Variants in SASH1 observed in about 807,000 individuals in gnomAD.
The protein encoded by SASH1 is SAM and SH3 domain-containing protein 1.
In SASH1, 44 loss-of-function variants were observed where a neutral mutation model predicts 125.2. The ratio of observed to expected loss-of-function variants is 0.35; its 90% CI spans 0.28 to 0.45. SASH1 has a LOEUF of 0.45. Ranked by LOEUF, SASH1 falls within the 20% of genes least tolerant of loss-of-function variation. The pLI is 1.00. For missense variants in SASH1, 1,426 were observed against 1,614.5 expected (o/e 0.88, Z 2.00); for synonymous variants, 639 against 649.1 (o/e 0.98, Z 0.24).
In SASH1 at chr6:148,301,745, ATT is replaced by A. The variant is rs34707015; in HGVS notation, n.74+29388_74+29389del. ...AGAAACACACCACCCCATCTTGGTGATTTTTTTTTTTTTTTTTTTTTGCAGTT... is the reference window on the plus strand; with the variant it reads ...AGAAACACACCACCCCATCTTGGTGATTTTTTTTTTTTTTTTTTTGCAGTT... On this transcript the variant is annotated intron_variant and non_coding_transcript_variant, in intron 1 of 3. Transcript: ENST00000367469. Among the ~76,000 whole-genome samples the A allele has an allele frequency of 6.3e-3, 649 of 102,844 alleles. 5 individuals carry two copies. The highest frequency in any genetic ancestry group is 0.027 in the South Asian group (76 of 2,772). 67.5% of individuals were successfully genotyped at this position (102,844 alleles called of 152,430 possible).
chr6:148,363,513 G>T (rs1241870038), intron 1 of SASH1, among the ~76,000 whole-genome samples: 1 of 151,906 alleles, frequency 6.6e-6, no homozygotes, highest in Admixed American at 6.6e-5. Context: ...GCAATTCTCT[G>T]CCTCAGCCTC....
At chr6:148,250,509 G>C in the SASH1 span, among the ~76,000 whole-genome samples, 1 of 150,020 alleles carries the variant, frequency 6.7e-6, no homozygotes, top group Non-Finnish European at 1.5e-5. Context: ...AGAAGTATGT[G>C]ATCCATTTGA....
chr6:148,454,846 C>G (rs1341779293), intron 4 of SASH1, among the ~76,000 whole-genome samples: 2 of 152,202 alleles, frequency 1.3e-5, no homozygotes, highest in African/African-American at 2.4e-5. Flanking sequence ...TGATTCATTA[C>G]TTCGTTGAAT....
intron 2 of SASH1, among the ~76,000 whole-genome samples, chr6:148,429,385 TA>T (rs61460366): frequency 0.024 from 1,767 of 73,884 alleles, 84 homozygotes; most frequent in African/African-American, 0.087. Flanking sequence ...CCCTGTCTCT[TA>T]AAAAAAAAAA....
chr6:148,362,103 A>G lies in SASH1; in HGVS notation c.156+18880A>G, dbSNP rs150975977. Among the ~76,000 whole-genome samples, 197 of 150,860 alleles carry G rather than the reference A, an allele frequency of 1.3e-3. 3 individuals are homozygous for G. Among genetic ancestry groups the G allele is most frequent in the African/African-American group, 3.8e-3 (154 of 41,066 alleles). ...TATTTTTTGTTTGTTTGTTTGTTGT[A>G]TTTTTAGTAGAGACGGGGTTTCTCC... On this transcript the variant is annotated intron_variant, in intron 1 of 19. Coordinates refer to ENST00000367467, the MANE Select transcript of SASH1 (RefSeq NM_015278.5).
At position 148,351,313 on chromosome 6, in the gene SASH1, T is replaced by C. The variant is rs536220129; in HGVS notation, c.156+8090T>C. Among the ~76,000 whole-genome samples the C allele has an allele frequency of 1.2e-3, 179 of 151,762 alleles. No homozygotes were observed. The Middle Eastern group carries it at 0.02, about 17-fold the overall frequency. On this transcript the variant is annotated intron_variant, in intron 1 of 19. Coordinates refer to ENST00000367467, the MANE Select transcript of SASH1 (RefSeq NM_015278.5). ...AAGATGATTGGTGAAAACGGAAATATATTTGTATTTATGTTTGCTCTTCAG... is the reference window on the plus strand; with the variant it reads ...AAGATGATTGGTGAAAACGGAAATACATTTGTATTTATGTTTGCTCTTCAG...
intron 2 of SASH1, among the ~76,000 whole-genome samples, chr6:148,436,789 A>G (rs1296737665): frequency 1.3e-5 from 2 of 152,194 alleles, no homozygotes; most frequent in Non-Finnish European, 2.9e-5. Flanking sequence ...GCCTTTCTGA[A>G]TTCATATTCA....
chr6:148,313,269 C>T (rs1562319589), intron 1 of SASH1, among the ~76,000 whole-genome samples: 1 of 152,162 alleles, frequency 6.6e-6, no homozygotes, highest in Non-Finnish European at 1.5e-5. Flanking sequence ...ATTCTGGTGT[C>T]TTAGTATTCA....
chr6:148,520,805 C>G (rs1229073226), intron 10 of SASH1, among the ~76,000 whole-genome samples: 1 of 152,146 alleles, frequency 6.6e-6, no homozygotes. Context: ...ACAATAGGAG[C>G]AGGCTCATGG....
intron 1 of SASH1, chr6:148,283,418 C>T: frequency 6.6e-6 from 1 of 152,336 alleles, no homozygotes; most frequent in East Asian, 1.9e-4. Context: ...CATGAGTGTG[C>T]CTGTGTGTGT....
At chr6:148,354,955 C>T (rs1200982725) in intron 1 of SASH1, among the ~76,000 whole-genome samples, 1 of 152,102 alleles carries the variant, frequency 6.6e-6, no homozygotes, top group Admixed American at 6.6e-5. Flanking sequence ...GATGGGGTTT[C>T]ACCATGTTGG....
chr6:148,305,641 A>AAAAAAAAAAAAG (rs1554232122), intron 1 of SASH1, among the ~76,000 whole-genome samples: 1 of 133,200 alleles, frequency 7.5e-6, no homozygotes. Context: ...AAAAAAAAAA[A>AAAAAAAAAAAAG]AAAGAAAGAA....
At chr6:148,334,411 G>T (rs1254709376) in intron 1 of SASH1, among the ~76,000 whole-genome samples, 1 of 118,074 alleles carries the variant, frequency 8.5e-6, no homozygotes. Flanking sequence ...CTGGGCCACA[G>T]AGCGAGACTC....
the SASH1 span, among the ~76,000 whole-genome samples, chr6:148,244,537 G>C: frequency 4.6e-5 from 7 of 152,168 alleles, no homozygotes; most frequent in Non-Finnish European, 7.3e-5. Flanking sequence ...CAGTGTTCCT[G>C]GGTGCTAAGG....
the SASH1 span, among the ~76,000 whole-genome samples, chr6:148,222,431 T>C: frequency 6.6e-6 from 1 of 152,100 alleles, no homozygotes; most frequent in African/African-American, 2.4e-5. Flanking sequence ...GGAAAGGAGA[T>C]TGGGGCTGCA....
intron 7 of SASH1, among the ~76,000 whole-genome samples, chr6:148,482,060 T>A (rs1778648385): frequency 6.6e-6 from 1 of 152,190 alleles, no homozygotes; most frequent in Non-Finnish European, 1.5e-5. Flanking sequence ...CCATAAGATG[T>A]AGAAAGCCCA....
the SASH1 span, among the ~76,000 whole-genome samples, chr6:148,235,552 A>G: frequency 1.5e-4 from 22 of 149,800 alleles, no homozygotes; most frequent in Admixed American, 1.5e-3. Context: ...TCTAAATTAT[A>G]CATGAACTCA....
rs959342534 is a variant in SASH1 at position 148,549,727 on chromosome 6, A to G, written c.*1169A>G. The G allele has an allele frequency of 8.8e-5, 35 of 396,724 alleles. No homozygotes were observed. Among genetic ancestry groups the G allele is most frequent in the African/African-American group, 6.8e-4 (33 of 48,676 alleles). The allele number at this position is 396,724 out of a possible 1,614,324, so 24.6% of individuals were successfully genotyped here. The stretch of plus-strand genomic sequence containing the variant: ...ATTCTTTTAATTTAAACAAAGGTTC[A>G]CTATGGAACCAGACAAATCTCATTA... On this transcript the variant is annotated 3_prime_UTR_variant, in exon 20 of 20. Coordinates refer to ENST00000367467, the MANE Select transcript of SASH1 (RefSeq NM_015278.5).
intron 8 of SASH1, chr6:148,512,529 C>T: frequency 1.0e-6 from 1 of 985,004 alleles, no homozygotes; most frequent in Non-Finnish European, 1.2e-6. Context: ...TGGTTGACCG[C>T]TCCAACCATT....
Sources: gnomAD v4.1 joint callset for allele counts (sites outside exome capture counted in the v4.1 genomes callset) on GRCh38, gnomAD v4.1.1 for gene constraint, MANE v1.5 for transcripts, NCBI Gene and HGNC (gene_info 2026-07-23, HGNC 2026-07-21) for gene names.